Variants in PAG1 observed in about 807,000 individuals in gnomAD.
PAG1 encodes phosphoprotein membrane anchor with glycosphingolipid microdomains 1.
PAG1 carries 23 observed loss-of-function variants against 31.7 expected under a neutral mutation model. The observed-to-expected ratio is 0.73, with a 90% CI of 0.52 to 1.03. The LOEUF (loss-of-function observed/expected upper bound fraction) is 1.03. Ranked by LOEUF, PAG1 falls within the 50% of genes least tolerant of loss-of-function variation. The pLI is 0.00. For missense variants in PAG1, 473 were observed against 540.7 expected, an observed-to-expected ratio of 0.87 and a Z score of 1.24; for synonymous variants, 214 against 210.3, an observed-to-expected ratio of 1.02 and a Z score of -0.15.
At chr8:81,077,102 T>C (rs1809190902) in intron 1 of PAG1, among the ~76,000 whole-genome samples, 1 of 152,220 alleles carries the variant, frequency 6.6e-6, no homozygotes, top group African/African-American at 2.4e-5. Flanking sequence ...AAACAGTGTG[T>C]GATCTGCAGA....
rs974817573 is a variant in PAG1 at position 80,974,595 on chromosome 8, G to A, written c.*1949C>T. On this transcript the variant is annotated 3_prime_UTR_variant, in exon 9 of 9. Coordinates refer to ENST00000220597, the MANE Select transcript of PAG1 (RefSeq NM_018440.4). Reference sequence around the variant, plus strand: ...TAGCTCACTCTGCAATGTCAGACATGCAGTGTAGAGCAGTCACAAAGTCAA... The same window carrying A: ...TAGCTCACTCTGCAATGTCAGACATACAGTGTAGAGCAGTCACAAAGTCAA... 2.0e-5 allele frequency: 3 copies of A among 152,202 alleles called. No homozygotes were observed. Among genetic ancestry groups the A allele is most frequent in the African/African-American group, 4.8e-5 (2 of 41,450 alleles). 9.4% of individuals were successfully genotyped at this position (152,202 alleles called of 1,614,324 possible). A position where few individuals can be genotyped will look rare whatever the true frequency, so the allele number is the denominator to read the frequency against.
chr8:81,013,931 G>A (rs1448861885), intron 3 of PAG1, among the ~76,000 whole-genome samples: 1 of 152,154 alleles, frequency 6.6e-6, no homozygotes, highest in Admixed American at 6.5e-5. Flanking sequence ...ATTCTCTACA[G>A]TGCCAGTATA....
chr8:81,074,361 G>T (rs548653991), intron 1 of PAG1, among the ~76,000 whole-genome samples: 1 of 152,234 alleles, frequency 6.6e-6, no homozygotes, highest in African/African-American at 2.4e-5. Flanking sequence ...GAGGGTGGAT[G>T]CAAAAGAATA....
At chr8:81,033,564 C>T (rs1205053757) in intron 2 of PAG1, among the ~76,000 whole-genome samples, 1 of 152,174 alleles carries the variant, frequency 6.6e-6, no homozygotes, top group Non-Finnish European at 1.5e-5. Flanking sequence ...ATGACCTCTC[C>T]CTGAAACCCA....
intron 1 of PAG1, among the ~76,000 whole-genome samples, chr8:81,079,954 G>C (rs2131010680): frequency 6.6e-6 from 1 of 151,962 alleles, no homozygotes; most frequent in African/African-American, 2.4e-5. Flanking sequence ...ATTTTTTGTA[G>C]AGGTTGAGTT....
At position 80,976,629 on chromosome 8, in the gene PAG1, T is replaced by C. The variant is rs201902891; in HGVS notation, c.1214A>G (p.Asn405Ser). 51 of 1,613,966 alleles carry C rather than the reference T, an allele frequency of 3.2e-5. No homozygotes were observed. Among genetic ancestry groups the C allele is most frequent in the Admixed American group, 5.0e-5 (3 of 60,002 alleles). ...REEEKATLGT[N>S]GHHGLVPKEN... The stretch of plus-strand genomic sequence containing the variant: ...CTTTGGGACGAGACCGTGGTGGCCA[T>C]TGGTCCCCAGGGTGGCCTTTTCTTC... The change falls in exon 9 of 9, where the codon AAT becomes AGT. Residue 405 changes from asparagine to serine, a missense_variant. By Grantham distance (46) the Asn-to-Ser change is conservative. Transcript: ENST00000220597.
At chr8:80,985,497 C>T in intron 6 of PAG1, 120 bp from the exon 7 acceptor site, 2 of 998,590 alleles carry the variant, frequency 2.0e-6, no homozygotes, top group Non-Finnish European at 2.9e-6. Context: ...AAGTCTCAGG[C>T]ACAAATTATA....
At chr8:81,009,602 C>T (rs936618086) in intron 3 of PAG1, among the ~76,000 whole-genome samples, 1 of 152,136 alleles carries the variant, frequency 6.6e-6, no homozygotes, top group Non-Finnish European at 1.5e-5. Flanking sequence ...CAGTGGTTTT[C>T]AACCCTGGCT....
intron 2 of PAG1, chr8:81,037,043 T>C (rs867342559): frequency 6.6e-6 from 1 of 152,104 alleles, no homozygotes; most frequent in Non-Finnish European, 1.5e-5. Context: ...GAAGATAAGA[T>C]GAAGGCAAAA....
chr8:81,108,283 G>A (rs1458014908), intron 1 of PAG1, among the ~76,000 whole-genome samples: 1 of 152,198 alleles, frequency 6.6e-6, no homozygotes, highest in African/African-American at 2.4e-5. Context: ...CTCTGAAAAG[G>A]AGGGTTCAAG....
intron 2 of PAG1, among the ~76,000 whole-genome samples, chr8:81,062,040 G>A (rs1424473065): frequency 2.0e-5 from 3 of 152,126 alleles, no homozygotes; most frequent in Non-Finnish European, 4.4e-5. Context: ...TATATTAAGA[G>A]ATTATAAAAC....
intron 1 of PAG1, among the ~76,000 whole-genome samples, chr8:81,106,208 GC>G (rs1312938983): frequency 6.6e-6 from 1 of 152,022 alleles, no homozygotes; most frequent in African/African-American, 2.4e-5. Flanking sequence ...ACCATGCCCA[GC>G]TAATTTTTGT....
intron 1 of PAG1, among the ~76,000 whole-genome samples, chr8:81,076,273 T>G (rs147439525): frequency 6.6e-6 from 1 of 152,356 alleles, no homozygotes; most frequent in Non-Finnish European, 1.5e-5. Flanking sequence ...TCACAAGGCT[T>G]TGGACATACC....
intron 7 of PAG1, among the ~76,000 whole-genome samples, chr8:80,981,584 A>G (rs1393988485): frequency 6.6e-6 from 1 of 152,084 alleles, no homozygotes; most frequent in African/African-American, 2.4e-5. Context: ...AATCAGAAGA[A>G]ATTTGTATCA....
At chr8:81,071,235 C>T (rs1338318558) in intron 1 of PAG1, among the ~76,000 whole-genome samples, 1 of 152,166 alleles carries the variant, frequency 6.6e-6, no homozygotes, top group Admixed American at 6.5e-5. Flanking sequence ...CATGAACACC[C>T]AGACTCTTAA....
chr8:81,021,468 T>C lies in PAG1; in HGVS notation c.-81+8528A>G, dbSNP rs192222198. Among the ~76,000 whole-genome samples the C allele has an allele frequency of 1.8e-3, 267 of 146,736 alleles. 1 individual carries two copies. Among genetic ancestry groups the C allele is most frequent in the African/African-American group, 4.3e-3 (168 of 39,416 alleles). On this transcript the variant is annotated intron_variant, in intron 3 of 8. Coordinates refer to ENST00000220597, the MANE Select transcript of PAG1 (RefSeq NM_018440.4). ...CCAGGATCCCATCTAGGATGCTGCA[T>C]TACATTTAGTCTGCTCATTTTTCAT... is the stretch of plus-strand genomic sequence containing the variant.
At chr8:81,103,877 CA>C (rs1358994258) in intron 1 of PAG1, among the ~76,000 whole-genome samples, 1 of 152,106 alleles carries the variant, frequency 6.6e-6, no homozygotes, top group Non-Finnish European at 1.5e-5. Context: ...CTTCATGCAC[CA>C]ACAAAATGAT....
chr8:81,020,645 C>T (rs1381749493), intron 3 of PAG1, among the ~76,000 whole-genome samples: 3 of 152,158 alleles, frequency 2.0e-5, no homozygotes, highest in African/African-American at 2.4e-5. Context: ...TTATAAATTA[C>T]CCAGTCTTGT....
At chr8:81,093,002 G>A (rs1809472765) in intron 1 of PAG1, among the ~76,000 whole-genome samples, 1 of 152,198 alleles carries the variant, frequency 6.6e-6, no homozygotes, top group South Asian at 2.1e-4. Flanking sequence ...AGTAGCAATT[G>A]TGAGGCCTTA....
Sources: gnomAD v4.1 joint callset for allele counts (sites outside exome capture counted in the v4.1 genomes callset) on GRCh38, gnomAD v4.1.1 for gene constraint, MANE v1.5 for transcripts, NCBI Gene and HGNC (gene_info 2026-07-23, HGNC 2026-07-21) for gene names.